The following SGIP1 variants were observed in gnomAD, a reference collection of about 807,000 sequenced individuals.
SGIP1 encodes SH3-containing GRB2-like protein 3-interacting protein 1.
Under a neutral mutation model 107.5 loss-of-function variants are expected in SGIP1, and 38 were observed. The ratio of observed to expected loss-of-function variants is 0.35; its 90% CI spans 0.27 to 0.46. The LOEUF is 0.46. Ranked by LOEUF, SGIP1 falls within the 20% of genes least tolerant of loss-of-function variation. The pLI is 1.00. For synonymous variants in SGIP1, 365 were observed against 366.1 expected (o/e 1.00, Z 0.03); for missense variants, 929 against 1,019.5 (o/e 0.91, Z 1.21).
chr1:66,742,740 A>G (rs2094498234), intron 24 of SGIP1, among the ~76,000 whole-genome samples: 1 of 151,786 alleles, frequency 6.6e-6, no homozygotes, highest in South Asian at 2.1e-4. Flanking sequence ...AAGTGCTGGG[A>G]TTACAGGCGT....
intron 7 of SGIP1, among the ~76,000 whole-genome samples, chr1:66,657,807 T>C (rs2080089518): frequency 6.6e-6 from 1 of 152,264 alleles, no homozygotes; most frequent in Admixed American, 6.5e-5. Flanking sequence ...ACTCTATTTC[T>C]ATTTACAAGT....
In SGIP1 at chr1:66,746,091, A is replaced by G. The variant is rs1254778957; in HGVS notation, c.*2996A>G. 6.6e-6 allele frequency: 1 copy of G among 152,066 alleles called. No homozygotes were observed. Among genetic ancestry groups the G allele is most frequent in the Non-Finnish European group, 1.5e-5 (1 of 67,964 alleles). The allele number at this position is 152,066 out of a possible 1,614,324, so 9.4% of individuals were successfully genotyped here. A position where few individuals can be genotyped will look rare whatever the true frequency, so the allele number is the denominator to read the frequency against. ...AACTACAGAATTTTTTTTGTTTTAT[A>G]TATTCTTAGTCAGCAGAGTGTTTGA... On this transcript the variant is annotated 3_prime_UTR_variant, in exon 25 of 25. Coordinates refer to ENST00000371037, the MANE Select transcript of SGIP1 (RefSeq NM_032291.4).
chr1:66,554,822 T>C (rs1248509752), intron 1 of SGIP1, among the ~76,000 whole-genome samples: 1 of 152,128 alleles, frequency 6.6e-6, no homozygotes, highest in Admixed American at 6.6e-5. Context: ...GAGTCACAAA[T>C]TGGAAATATC....
In SGIP1 at chr1:66,534,363, T is replaced by C; in HGVS notation, c.5T>C (p.Met2Thr). Residue 2 changes from methionine to threonine, a missense_variant, in exon 1 of 25, where the codon ATG becomes ACG. Transcript: ENST00000371037. ...AAGGAATGCAATTCTGCCACCATGA[T>C]GGAAGGTAGGATGCTTTCTGCTATG... M[M>T]EGLKKRTRKA... 1 of 1,614,106 alleles carries C rather than the reference T, an allele frequency of 6.2e-7. No homozygotes were observed. Among genetic ancestry groups the C allele is most frequent in the Non-Finnish European group, 8.5e-7 (1 of 1,179,984 alleles).
At chr1:66,547,357 T>A (rs570335663) in intron 1 of SGIP1, among the ~76,000 whole-genome samples, 4 of 152,330 alleles carry the variant, frequency 2.6e-5, no homozygotes, top group Non-Finnish European at 5.9e-5. Context: ...TGGGACAATT[T>A]AAAATGCAGT....
At chr1:66,659,578 T>A (rs2080474180) in intron 7 of SGIP1, among the ~76,000 whole-genome samples, 1 of 152,080 alleles carries the variant, frequency 6.6e-6, no homozygotes, top group Non-Finnish European at 1.5e-5. Context: ...TTTTTTATTG[T>A]CAAGCCACAG....
chr1:66,645,197 G>A (rs2077451233), intron 7 of SGIP1, among the ~76,000 whole-genome samples: 1 of 152,160 alleles, frequency 6.6e-6, no homozygotes, highest in Non-Finnish European at 1.5e-5. Context: ...AAGTTCAGAG[G>A]ATTAAGTGAA....
At chr1:66,651,587 C>A (rs1330230735) in intron 7 of SGIP1, among the ~76,000 whole-genome samples, 1 of 152,150 alleles carries the variant, frequency 6.6e-6, no homozygotes, top group Non-Finnish European at 1.5e-5. Context: ...GATGGATGCT[C>A]AAAGGGCCCA....
At chr1:66,726,532 A>G (rs746021013) in intron 19 of SGIP1, among the ~76,000 whole-genome samples, 25 of 152,316 alleles carry the variant, frequency 1.6e-4, no homozygotes, top group Middle Eastern at 3.4e-3. Flanking sequence ...TAAAAAATAG[A>G]CCAAATAAAT....
chr1:66,699,786 G>T (rs192011960), intron 18 of SGIP1, among the ~76,000 whole-genome samples: 3 of 151,938 alleles, frequency 2.0e-5, no homozygotes, highest in Non-Finnish European at 2.9e-5. Flanking sequence ...AAGTTAAAAA[G>T]ATAAATAAGT....
At chr1:66,635,740 C>T (rs759465210) in intron 3 of SGIP1, among the ~76,000 whole-genome samples, 1 of 152,116 alleles carries the variant, frequency 6.6e-6, no homozygotes, top group African/African-American at 2.4e-5. Context: ...ACCAAGCTGG[C>T]CTGCTGAATA....
intron 5 of SGIP1, among the ~76,000 whole-genome samples, chr1:66,640,778 T>TAAAAA (rs58535961): frequency 1.4e-5 from 2 of 141,330 alleles, no homozygotes; most frequent in African/African-American, 5.2e-5. Flanking sequence ...ACACTTGTAT[T>TAAAAA]AAAAAAAAAA....
At chr1:66,667,691 T>C (rs1169295218) in intron 9 of SGIP1, 150 bp downstream of exon 9, 3 of 706,110 alleles carry the variant, frequency 4.2e-6, no homozygotes, top group East Asian at 5.1e-5. Flanking sequence ...CCTCTGACCC[T>C]CTTAAGTATC....
intron 5 of SGIP1, among the ~76,000 whole-genome samples, chr1:66,640,613 A>G (rs976445745): frequency 6.6e-6 from 1 of 152,170 alleles, no homozygotes; most frequent in Non-Finnish European, 1.5e-5. Flanking sequence ...TGTGGCTGAG[A>G]GGGGATCAAT....
At position 66,643,526 on chromosome 1, in the gene SGIP1, T is replaced by A; in HGVS notation, c.284-18T>A. 1 of 1,596,710 alleles carries A rather than the reference T, an allele frequency of 6.3e-7. No individual in the cohort carries two copies. ...TCCCAGTAGAAGAAAGAGTTATGTA[T>A]CTTTAACTGTGTTCTACCTACCAAA... On this transcript the variant is annotated intron_variant, in intron 6 of 24. Coordinates refer to ENST00000371037, the MANE Select transcript of SGIP1 (RefSeq NM_032291.4).
At chr1:66,685,698 T>G (rs554018163) in intron 15 of SGIP1, among the ~76,000 whole-genome samples, 2 of 152,244 alleles carry the variant, frequency 1.3e-5, no homozygotes, top group Non-Finnish European at 2.9e-5. Context: ...AATACAGTAG[T>G]ACCTAGCCGC....
intron 8 of SGIP1, among the ~76,000 whole-genome samples, chr1:66,667,197 T>C (rs771706430): frequency 1.3e-5 from 2 of 151,792 alleles, no homozygotes; most frequent in Non-Finnish European, 1.5e-5. Flanking sequence ...CCAAACTATC[T>C]GGAGAAAAAC....
intron 18 of SGIP1, among the ~76,000 whole-genome samples, chr1:66,710,482 C>T (rs909217622): frequency 6.6e-6 from 1 of 152,084 alleles, no homozygotes; most frequent in African/African-American, 2.4e-5. Flanking sequence ...CACTATTGGT[C>T]ACCTTGCAGT....
chr1:66,710,494 A>T (rs1291389640), intron 18 of SGIP1, among the ~76,000 whole-genome samples: 1 of 152,132 alleles, frequency 6.6e-6, no homozygotes, highest in Admixed American at 6.6e-5. Context: ...CCTTGCAGTT[A>T]CTGGATTCTG....
Sources: gnomAD v4.1 joint callset for allele counts (sites outside exome capture counted in the v4.1 genomes callset) on GRCh38, gnomAD v4.1.1 for gene constraint, MANE v1.5 for transcripts, NCBI Gene and HGNC (gene_info 2026-07-23, HGNC 2026-07-21) for gene names.